Variants in ATR observed in about 807,000 individuals in gnomAD.
The protein encoded by ATR is serine/threonine-protein kinase ATR.
A neutral mutation model predicts 305.3 loss-of-function variants in ATR; 142 were observed. That is an observed-to-expected ratio of 0.47 (90% CI 0.41 to 0.53). The LOEUF is 0.53. Ranked by LOEUF, ATR falls within the 20% of genes least tolerant of loss-of-function variation. ATR has a pLI of 0.00. For synonymous variants in ATR, 1,050 were observed against 1,068.1 expected (o/e 0.98, Z 0.33); for missense variants, 2,135 against 3,133.1 (o/e 0.68, Z 7.60).
At chr3:142,484,831 A>C (rs912318091) in intron 36 of ATR, among the ~76,000 whole-genome samples, 7 of 152,242 alleles carry the variant, frequency 4.6e-5, no homozygotes, top group Non-Finnish European at 7.4e-5. Flanking sequence ...GGGGAAAAAA[A>C]CCCACATCTT....
intron 36 of ATR, among the ~76,000 whole-genome samples, chr3:142,475,286 C>A (rs986132019): frequency 1.3e-5 from 2 of 151,920 alleles, no homozygotes; most frequent in African/African-American, 2.4e-5. Context: ...GTGTGATGTT[C>A]CCCTTCCTGT....
rs755959213 is a variant in ATR at position 142,542,619 on chromosome 3, T to C, written c.3450+46A>G. 18 of 1,468,818 alleles carry C rather than the reference T, an allele frequency of 1.2e-5. No individual in the cohort carries two copies. The East Asian group carries it at 3.4e-4, about 28-fold the overall frequency. 91.0% of individuals were successfully genotyped at this position (1,468,818 alleles called of 1,614,324 possible). A position where few individuals can be genotyped will look rare whatever the true frequency, so the allele number is the denominator to read the frequency against. Reference sequence around the variant, plus strand: ...TAGCTAGATGCAGAATTTATCTATATTCTGTATGAATTCTATCTTAGCACT... The same window carrying C: ...TAGCTAGATGCAGAATTTATCTATACTCTGTATGAATTCTATCTTAGCACT... On this transcript the variant is annotated intron_variant, in intron 17 of 46. Transcript: ENST00000350721.
At position 142,497,018 on chromosome 3, in the gene ATR, G is replaced by T. The variant is rs766428193; in HGVS notation, c.5733C>A (p.Asn1911Lys). 2 of 1,612,652 alleles carry T rather than the reference G, an allele frequency of 1.2e-6. No homozygotes were observed. Among genetic ancestry groups the T allele is most frequent in the East Asian group, 2.2e-5 (1 of 44,862 alleles). ...AAAAAAGTAGTGTGAGAAACCTTTT[G>T]TTGAGGCTTAGTAAAGCCCTCCGGA... is the stretch of plus-strand genomic sequence containing the variant. ...LALRRALLSL[N>K]KRPDYNEMVG... The change falls in exon 33 of 47, where the codon AAC becomes AAA. Residue 1911 changes from asparagine to lysine, a missense_variant. Asn to Lys is a moderately conservative substitution (Grantham distance 94, BLOSUM62 0). Coordinates refer to ENST00000350721, the MANE Select transcript of ATR (RefSeq NM_001184.4).
intron 35 of ATR, among the ~76,000 whole-genome samples, chr3:142,485,636 A>G (rs1048534583): frequency 6.6e-6 from 1 of 152,190 alleles, no homozygotes; most frequent in African/African-American, 2.4e-5. Context: ...GTGTGTGTGT[A>G]TATACACATA....
chr3:142,548,878 C>T (rs925504540), intron 15 of ATR, among the ~76,000 whole-genome samples: 1 of 152,064 alleles, frequency 6.6e-6, no homozygotes, highest in Admixed American at 6.6e-5. Flanking sequence ...CACTAACTCT[C>T]GTGGAAAGAG....
At chr3:142,462,636 T>C (rs2108267253) in intron 41 of ATR, among the ~76,000 whole-genome samples, 1 of 152,132 alleles carries the variant, frequency 6.6e-6, no homozygotes, top group African/African-American at 2.4e-5. Flanking sequence ...GCCCAGCTAA[T>C]TTTTTGTATT....
Position 142,568,973 on chromosome 3 carries a change from T to A in ATR, c.60-819A>T, listed in dbSNP as rs553028299. ...CAGCCTCGGTGTAGTGGGTGGCAGG[T>A]TGATGGCAGCAGGAAGTAGGCTCCT... is the stretch of plus-strand genomic sequence containing the variant. On this transcript the variant is annotated intron_variant, in intron 1 of 46. Coordinates refer to ENST00000350721, the MANE Select transcript of ATR (RefSeq NM_001184.4). Among the ~76,000 whole-genome samples the A allele has an allele frequency of 7.2e-5, 11 of 152,080 alleles. No individual in the cohort carries two copies. In the South Asian group the frequency reaches 1.9e-3, roughly 26 times the overall value.
intron 27 of ATR, 49 bp from the exon 28 acceptor site, chr3:142,508,158 TAA>T (rs1467854118): frequency 6.7e-7 from 1 of 1,491,340 alleles, no homozygotes; most frequent in Non-Finnish European, 9.2e-7. Context: ...AGATAAAATT[TAA>T]AAGTGTCAAT....
chr3:142,558,824 T>C (rs1455745315), intron 7 of ATR, 48 bp from the exon 8 acceptor site: 7 of 1,511,094 alleles, frequency 4.6e-6, no homozygotes, highest in Non-Finnish European at 6.4e-6. Context: ...TCCTTAATCA[T>C]ATCTCTTTTA....
At chr3:142,468,752 G>A (rs2071188265) in intron 38 of ATR, among the ~76,000 whole-genome samples, 1 of 152,106 alleles carries the variant, frequency 6.6e-6, no homozygotes, top group Non-Finnish European at 1.5e-5. Flanking sequence ...CACTTTGGGA[G>A]GCCAAAGCAG....
At chr3:142,482,032 C>T (rs762932500) in intron 36 of ATR, among the ~76,000 whole-genome samples, 1 of 151,896 alleles carries the variant, frequency 6.6e-6, no homozygotes, top group Non-Finnish European at 1.5e-5. Context: ...TACCATGTTG[C>T]TCTGGCTGGT....
chr3:142,536,215 G>T lies in ATR; in HGVS notation c.3726-14C>A, dbSNP rs2033855565. Reference sequence around the variant, plus strand: ...TGCACAGCATCCCTAATAGTTAGTTGGAATAAAAAGAATTATTTGCCAAGA... The same window carrying T: ...TGCACAGCATCCCTAATAGTTAGTTTGAATAAAAAGAATTATTTGCCAAGA... On this transcript the variant is annotated splice_polypyrimidine_tract_variant and intron_variant, in intron 19 of 46. Coordinates refer to ENST00000350721, the MANE Select transcript of ATR (RefSeq NM_001184.4). 1.3e-6 allele frequency: 2 copies of T among 1,506,852 alleles called. No homozygotes were observed. The highest frequency in any genetic ancestry group is 9.2e-7 in the Non-Finnish European group (1 of 1,085,586). The allele number at this position is 1,506,852 out of a possible 1,614,324, so 93.3% of individuals were successfully genotyped here. A position where few individuals can be genotyped will look rare whatever the true frequency, so the allele number is the denominator to read the frequency against.
At chr3:142,499,016 A>G in intron 31 of ATR, 1 of 544,082 alleles carries the variant, frequency 1.8e-6, no homozygotes, top group East Asian at 3.2e-5. Flanking sequence ...GAGTAGGTGA[A>G]CAGGCATGAG....
chr3:142,454,186 CTCAGG>C (rs1281941037), intron 45 of ATR, among the ~76,000 whole-genome samples: 1 of 152,174 alleles, frequency 6.6e-6, no homozygotes, highest in East Asian at 1.9e-4. Context: ...TACTGTATTT[CTCAGG>C]CAGGCCATGA....
chr3:142,563,138 T>C, intron 3 of ATR, 29 bp from the exon 4 acceptor site: 1 of 1,577,822 alleles, frequency 6.3e-7, no homozygotes, highest in Non-Finnish European at 8.6e-7. Context: ...AGATATTAAA[T>C]AAACAAGTAT....
At position 142,559,365 on chromosome 3, in the gene ATR, A is replaced by T; in HGVS notation, c.1618T>A (p.Tyr540Asn). The change falls in exon 7 of 47, where the codon TAC (tyrosine) becomes AAC (asparagine). Residue 540 changes from tyrosine to asparagine, a missense_variant. By Grantham distance (143) the Tyr-to-Asn change is moderately radical. Around this residue, in one of 9 missense-constraint regions of ATR, gnomAD observed 744 missense variants for 873.2 expected, o/e 0.85. Transcript: ENST00000350721. Reference sequence around the variant, plus strand: ...CTACAGCTCTTAAGCACTTTTGTGTAAAAATCCAATGACATCCAAGTTATC... The same window carrying T: ...CTACAGCTCTTAAGCACTTTTGTGTTAAAATCCAATGACATCCAAGTTATC... ...VVITWMSLDF[Y>N]TKVLKSCRSL... 6.2e-7 allele frequency: 1 copy of T among 1,613,916 alleles called. No homozygotes were observed. The highest frequency in any genetic ancestry group is 1.1e-5 in the South Asian group (1 of 91,082).
chr3:142,520,354 A>G (rs2033095856), intron 23 of ATR, among the ~76,000 whole-genome samples: 1 of 152,188 alleles, frequency 6.6e-6, no homozygotes, highest in Non-Finnish European at 1.5e-5. Context: ...TCTCACTTTA[A>G]ATCAAAAGCT....
Position 142,508,059 on chromosome 3 carries a change from G to C in ATR, c.4903C>G (p.Leu1635Val), listed in dbSNP as rs748561484. 2 of 1,612,992 alleles carry C rather than the reference G, an allele frequency of 1.2e-6. No homozygotes were observed. Among genetic ancestry groups the C allele is most frequent in the African/African-American group, 1.3e-5 (1 of 74,706 alleles). The part of the protein sequence containing the change: ...DYQSVTRFLD[L>V]IPQDTLAVAS... ...ACTGCCAGAGTATCCTGGGGTATGA[G>C]GTCTAGAAAACGGGTTACACTCTGA... The change falls in exon 28 of 47, where the codon CTC becomes GTC. Residue 1635 changes from leucine to valine, a missense_variant. Leu to Val is a conservative substitution (Grantham distance 32, BLOSUM62 1). This residue lies in a region of ATR where 202 missense variants were observed against 252.9 expected (regional missense o/e 0.80). Transcript: ENST00000350721.
At chr3:142,478,298 C>A (rs1257182151) in intron 36 of ATR, among the ~76,000 whole-genome samples, 1 of 152,056 alleles carries the variant, frequency 6.6e-6, no homozygotes, top group East Asian at 1.9e-4. Flanking sequence ...CGTCTTTGTT[C>A]TCGTTGGTTT....
Sources: gnomAD v4.1 joint callset for allele counts (sites outside exome capture counted in the v4.1 genomes callset) on GRCh38, gnomAD v4.1.1 for gene constraint, gnomAD v4.1.1 regional missense constraint, MANE v1.5 for transcripts, NCBI Gene and HGNC (gene_info 2026-07-23, HGNC 2026-07-21) for gene names.